The following PSTPIP1 variants were observed in gnomAD, a reference collection of about 807,000 sequenced individuals.
PSTPIP1 encodes proline-serine-threonine phosphatase interacting protein 1, also known as proline-serine-threonine phosphatase-interacting protein 1.
In PSTPIP1, 66 loss-of-function variants were observed where a neutral mutation model predicts 69.6. That is an observed-to-expected ratio of 0.95 (90% CI 0.78 to 1.16). PSTPIP1 has a LOEUF of 1.16. PSTPIP1 is among the 50% of genes most tolerant of loss of function. The pLI is 0.00. For missense variants in PSTPIP1, 603 were observed against 557.4 expected (o/e 1.08, Z -0.82); for synonymous variants, 266 against 222.7 (o/e 1.19, Z -1.73).
At chr15:77,028,718 G>T in intron 7 of PSTPIP1, 66 bp downstream of exon 7, 1 of 1,343,452 alleles carries the variant, frequency 7.4e-7, no homozygotes, top group Non-Finnish European at 1.0e-6. Context: ...GCAAGGAAGG[G>T]GTGCCGTAGA....
At chr15:77,006,489 T>C (rs2075818324) in intron 1 of PSTPIP1, among the ~76,000 whole-genome samples, 1 of 152,276 alleles carries the variant, frequency 6.6e-6, no homozygotes, top group Non-Finnish European at 1.5e-5. Flanking sequence ...TTGTTGCCTA[T>C]GATTTTAATA....
At position 77,027,094 on chromosome 15, in the gene PSTPIP1, C is replaced by T. The variant is rs2076297483; in HGVS notation, c.355-758C>T. On this transcript the variant is annotated intron_variant, in intron 5 of 14. Transcript: ENST00000558012. This position sits in a 1 kb window ranked among gnomAD's most constrained non-coding sequence, Gnocchi z 4.3. The stretch of plus-strand genomic sequence containing the variant: ...CCTGTGAGCATGTGTCCTTGTCCAG[C>T]CCTGTGCACTTGGGTGTTTTGTGCT... 6.6e-6 allele frequency among the ~76,000 whole-genome samples: 1 copy of T among 152,228 alleles called. No individual in the cohort carries two copies. The highest frequency in any genetic ancestry group is 6.5e-5 in the Admixed American group (1 of 15,292).
chr15:77,015,335 C>G (rs988626042), intron 1 of PSTPIP1, among the ~76,000 whole-genome samples: 20 of 152,262 alleles, frequency 1.3e-4, no homozygotes, highest in African/African-American at 4.1e-4. Flanking sequence ...CATTGAGTGG[C>G]TTTGGGCAGT....
At chr15:77,015,874 C>G (rs1326518682) in intron 1 of PSTPIP1, 1 of 453,900 alleles carries the variant, frequency 2.2e-6, no homozygotes, top group Non-Finnish European at 4.4e-6. Flanking sequence ...CTGCCAGCAG[C>G]CCAAAGCTCT....
At chr15:77,019,165 A>T (rs1345131391) in intron 3 of PSTPIP1, among the ~76,000 whole-genome samples, 1 of 152,172 alleles carries the variant, frequency 6.6e-6, no homozygotes, top group African/African-American at 2.4e-5. Context: ...CTCTGCACGC[A>T]GACTGCTGGG....
rs984709043 is a variant in PSTPIP1, at chr15:77,037,051, G to A, written c.1126G>A (p.Asp376Asn). The change falls in exon 15 of 15, where the codon GAT becomes AAT. Residue 376 changes from aspartate to asparagine, a missense_variant. Asp to Asn is a conservative substitution (Grantham distance 23). Coordinates refer to ENST00000558012, the MANE Select transcript of PSTPIP1 (RefSeq NM_003978.5). ...ALYDYTAQNP[D>N]ELDLSAGDIL... Reference sequence around the variant, plus strand: ...CTTTCAATCTCTTGGCCAGAACCCAGATGAGCTGGACCTGTCCGCGGGAGA... The same window carrying A: ...CTTTCAATCTCTTGGCCAGAACCCAAATGAGCTGGACCTGTCCGCGGGAGA... 6.2e-6 allele frequency: 10 copies of A among 1,612,140 alleles called. No homozygotes were observed. Among genetic ancestry groups the A allele is most frequent in the Admixed American group, 3.3e-5 (2 of 59,994 alleles).
intron 11 of PSTPIP1, 45 bp downstream of exon 11, chr15:77,032,439 C>T (rs116895455): frequency 1.3e-6 from 2 of 1,594,882 alleles, no homozygotes; most frequent in Non-Finnish European, 1.7e-6. Flanking sequence ...GTGCATTGAG[C>T]CCCTGGGAAG....
At chr15:77,015,173 A>G (rs943167539) in intron 1 of PSTPIP1, among the ~76,000 whole-genome samples, 1 of 152,246 alleles carries the variant, frequency 6.6e-6, no homozygotes, top group Non-Finnish European at 1.5e-5. Flanking sequence ...AGATAATTTG[A>G]GTAATCATTT....
intron 11 of PSTPIP1, 88 bp from the exon 12 acceptor site, chr15:77,032,774 A>G: frequency 8.4e-7 from 1 of 1,188,186 alleles, no homozygotes; most frequent in Admixed American, 2.2e-5. Flanking sequence ...CCAGGGCCAG[A>G]TTGGGAATGT....
chr15:76,996,888 C>T (rs956843455), intron 1 of PSTPIP1, among the ~76,000 whole-genome samples: 1 of 152,144 alleles, frequency 6.6e-6, no homozygotes, highest in Non-Finnish European at 1.5e-5. Flanking sequence ...GGATGTGAGT[C>T]ACCACCTAGC....
In PSTPIP1 at chr15:77,035,564, G is replaced by A; in HGVS notation, c.985+1G>A. On this transcript the variant is annotated splice_donor_variant, in intron 13 of 14. Coordinates refer to ENST00000558012, the MANE Select transcript of PSTPIP1 (RefSeq NM_003978.5). LOFTEE classifies it high-confidence loss of function. ...ACCACTTCGTTGGCAGCTTCTGCTG[G>A]TAAAGGGGGTCAGGAGGGGACCCCC... 1 of 1,578,368 alleles carries A rather than the reference G, an allele frequency of 6.3e-7. No individual in the cohort carries two copies. Among genetic ancestry groups the A allele is most frequent in the Non-Finnish European group, 8.6e-7 (1 of 1,162,610 alleles).
At chr15:77,009,338 G>T (rs1205704483) in intron 1 of PSTPIP1, among the ~76,000 whole-genome samples, 1 of 152,076 alleles carries the variant, frequency 6.6e-6, no homozygotes, top group Non-Finnish European at 1.5e-5. Context: ...AGCTCTAGGG[G>T]CCCATCTCTG....
intron 3 of PSTPIP1, among the ~76,000 whole-genome samples, chr15:77,024,663 T>C (rs1360475102): frequency 1.3e-5 from 2 of 152,184 alleles, no homozygotes; most frequent in African/African-American, 4.8e-5. Flanking sequence ...GTCCTGTTTT[T>C]ATGTGTTCAT....
chr15:77,032,498 G>A, intron 11 of PSTPIP1, 104 bp downstream of exon 11: 1 of 1,241,914 alleles, frequency 8.1e-7, no homozygotes, highest in South Asian at 1.3e-5. Flanking sequence ...GTAGCTCACA[G>A]CTCCCTTCAG....
chr15:77,030,707 TTCAGCCTCCTGC>T, intron 9 of PSTPIP1, 126 bp downstream of exon 9: 1 of 959,422 alleles, frequency 1.0e-6, no homozygotes, highest in South Asian at 1.8e-5. Flanking sequence ...CACTCGTTTA[TTCAGCCTCCTGC>T]TCACAGGCCT....
chr15:77,019,617 C>T (rs566055264), intron 3 of PSTPIP1, among the ~76,000 whole-genome samples: 65 of 152,340 alleles, frequency 4.3e-4, no homozygotes, highest in African/African-American at 1.5e-3. Flanking sequence ...GGTCCCGGCT[C>T]GGCCAATCTG....
chr15:77,028,496 C>T, intron 6 of PSTPIP1, 58 bp from the exon 7 acceptor site: 1 of 1,428,770 alleles, frequency 7.0e-7, no homozygotes, highest in Admixed American at 2.3e-5. Context: ...AGCCTCACTC[C>T]CGGGGACCAC....
intron 3 of PSTPIP1, among the ~76,000 whole-genome samples, chr15:77,019,419 G>A (rs1247651340): frequency 1.3e-5 from 2 of 152,116 alleles, no homozygotes; most frequent in Non-Finnish European, 2.9e-5. Context: ...CTTCTCCCCC[G>A]AGAGAGGAAC....
At position 77,037,134 on chromosome 15, in the gene PSTPIP1, G is replaced by A. The variant is rs775345543; in HGVS notation, c.1209G>A (p.Gly403=). 1 of 1,612,130 alleles carries A rather than the reference G, an allele frequency of 6.2e-7. No individual in the cohort carries two copies. Residue 403 remains glycine (G), a synonymous_variant, in exon 15 of 15, where the codon GGG becomes GGA. Transcript: ENST00000558012. ...GCTGGTGGACTGTGGAGAGGAACGG[G>A]CAGCGTGGCTTCGTCCCTGGTTCCT... The part of the protein sequence containing the change: ...EDGWWTVERN[G]QRGFVPGSYL...
Sources: gnomAD v4.1 joint callset for allele counts (sites outside exome capture counted in the v4.1 genomes callset) on GRCh38, gnomAD v4.1.1 for gene constraint, Gnocchi (gnomAD v3.1) non-coding constraint, MANE v1.5 for transcripts, NCBI Gene and HGNC (gene_info 2026-07-23, HGNC 2026-07-21) for gene names.